Variants in ASCC1 observed in about 807,000 individuals in gnomAD.
ASCC1 encodes activating signal cointegrator 1 complex subunit 1.
A neutral mutation model predicts 46.6 loss-of-function variants in ASCC1; 35 were observed. The observed-to-expected ratio is 0.75, with a 90% confidence interval of 0.57 to 0.99. ASCC1 has a LOEUF of 0.99. ASCC1 is among the 50% of genes least tolerant of loss of function. The pLI is 0.00. For missense variants in ASCC1, 376 were observed against 428.7 expected, an observed-to-expected ratio of 0.88 and a Z score of 1.09; for synonymous variants, 143 against 146.6, an observed-to-expected ratio of 0.98 and a Z score of 0.18.
At chr10:72,197,549 A>C (rs1410100796) in intron 4 of ASCC1, among the ~76,000 whole-genome samples, 3 of 152,134 alleles carry the variant, frequency 2.0e-5, no homozygotes, top group African/African-American at 7.2e-5. Context: ...CTACAAAGCA[A>C]ACCCTTGCTA....
intron 5 of ASCC1, among the ~76,000 whole-genome samples, chr10:72,174,155 G>C (rs1388558681): frequency 6.6e-6 from 1 of 152,142 alleles, no homozygotes; most frequent in African/African-American, 2.4e-5. Context: ...CCGAGTTCAA[G>C]GTCATGTCCT....
At chr10:72,109,835 C>G (rs77353918) in intron 9 of ASCC1, among the ~76,000 whole-genome samples, 1 of 152,202 alleles carries the variant, frequency 6.6e-6, no homozygotes, top group Non-Finnish European at 1.5e-5. Flanking sequence ...AAAGAGGCTA[C>G]GCTGACCCGG....
At chr10:72,098,544 CAT>C (rs1841361770) in intron 9 of ASCC1, among the ~76,000 whole-genome samples, 1 of 152,228 alleles carries the variant, frequency 6.6e-6, no homozygotes, top group South Asian at 2.1e-4. Flanking sequence ...GCTTGTGACA[CAT>C]GTCCCCAACG....
chr10:72,157,792 G>T (rs1385481785), intron 6 of ASCC1, among the ~76,000 whole-genome samples: 22 of 152,024 alleles, frequency 1.4e-4, no homozygotes, highest in Admixed American at 1.2e-3. Flanking sequence ...AAAAAAAATT[G>T]TCATACTGCT....
At chr10:72,210,495 G>T (rs888023169) in intron 3 of ASCC1, among the ~76,000 whole-genome samples, 4 of 152,076 alleles carry the variant, frequency 2.6e-5, no homozygotes, top group Non-Finnish European at 5.9e-5. Context: ...CCAGCCTCAG[G>T]TATTTCTTTA....
intron 5 of ASCC1, among the ~76,000 whole-genome samples, chr10:72,172,700 A>ATATATATATTATATATAATATTTTTATAT (rs1491405780): frequency 9.4e-5 from 11 of 116,546 alleles, no homozygotes; most frequent in Admixed American, 8.4e-4. Flanking sequence ...AAAATATATA[A>ATATATATATTATATATAATATTTTTATAT]TATATATATT....
intron 5 of ASCC1, among the ~76,000 whole-genome samples, chr10:72,185,846 CAG>C (rs1268345811): frequency 6.6e-6 from 1 of 152,076 alleles, no homozygotes; most frequent in Non-Finnish European, 1.5e-5. Context: ...ACTTTTAAAA[CAG>C]AATGGAAAAA....
At chr10:72,101,389 C>T (rs1841739495) in intron 9 of ASCC1, among the ~76,000 whole-genome samples, 1 of 152,096 alleles carries the variant, frequency 6.6e-6, no homozygotes, top group African/African-American at 2.4e-5. Context: ...GGTAAGGAAA[C>T]AAGGGATGCT....
chr10:72,163,732 C>G (rs1849995226), intron 5 of ASCC1, among the ~76,000 whole-genome samples: 1 of 151,426 alleles, frequency 6.6e-6, no homozygotes, highest in Non-Finnish European at 1.5e-5. Context: ...GAGACTCACT[C>G]TGTCTCCAAA....
intron 4 of ASCC1, among the ~76,000 whole-genome samples, chr10:72,199,594 C>A (rs189834077): frequency 7.6e-4 from 116 of 152,190 alleles, no homozygotes; most frequent in East Asian, 4.5e-3. Context: ...CTGGGCCTGG[C>A]CGGCTAATTT....
At chr10:72,191,118 C>T (rs1484239058) in intron 5 of ASCC1, among the ~76,000 whole-genome samples, 6 of 149,380 alleles carry the variant, frequency 4.0e-5, no homozygotes, top group Non-Finnish European at 7.4e-5. Context: ...AGTGCAGTGG[C>T]GCGATCTCGG....
rs551813243 is a variant in ASCC1, at chr10:72,160,140, G to A, written c.626+1398C>T. Among the ~76,000 whole-genome samples the A allele has an allele frequency of 1.9e-4, 29 of 152,176 alleles. 1 individual carries two copies. The East Asian group carries it at 4.8e-3, about 25-fold the overall frequency. On this transcript the variant is annotated intron_variant, in intron 6 of 9. Coordinates refer to ENST00000672957, the MANE Select transcript of ASCC1 (RefSeq NM_001198800.3). ...AGGATGATCTCGATCTCCTGACCTC[G>A]TCATCTGCCCGCCTCGGCCTCCCAA... is the stretch of plus-strand genomic sequence containing the variant.
chr10:72,153,551 G>A (rs931748153), intron 6 of ASCC1, among the ~76,000 whole-genome samples: 1 of 151,506 alleles, frequency 6.6e-6, no homozygotes, highest in Admixed American at 6.6e-5. Context: ...TCAGCCTACC[G>A]AGTAGCTGGG....
intron 5 of ASCC1, among the ~76,000 whole-genome samples, chr10:72,167,433 A>C (rs1324754847): frequency 2.0e-5 from 3 of 152,214 alleles, no homozygotes; most frequent in East Asian, 1.9e-4. Flanking sequence ...GCAGGTTAAC[A>C]GTTGCCTGTG....
chr10:72,149,248 C>A (rs553782406), intron 7 of ASCC1, among the ~76,000 whole-genome samples: 51 of 151,962 alleles, frequency 3.4e-4, no homozygotes, highest in Non-Finnish European at 1.3e-4. Context: ...ACCATCCTGG[C>A]TGACACGGTG....
intron 9 of ASCC1, among the ~76,000 whole-genome samples, chr10:72,124,276 C>G (rs906345258): frequency 1.3e-5 from 2 of 152,152 alleles, no homozygotes; most frequent in East Asian, 1.9e-4. Context: ...AAATTCATCT[C>G]CCTTTTACAT....
intron 9 of ASCC1, 145 bp downstream of exon 9, chr10:72,127,935 CCT>C (rs1845075627): frequency 1.4e-6 from 1 of 690,718 alleles, no homozygotes; most frequent in Non-Finnish European, 2.5e-6. Flanking sequence ...AGCTACTTTT[CCT>C]CTCTTTCCCT....
chr10:72,148,636 T>C (rs997207003), intron 7 of ASCC1, among the ~76,000 whole-genome samples: 29 of 152,204 alleles, frequency 1.9e-4, no homozygotes, highest in African/African-American at 7.0e-4. Flanking sequence ...ATGAAATTGG[T>C]AGTGATATTA....
intron 5 of ASCC1, among the ~76,000 whole-genome samples, chr10:72,184,281 A>T (rs1853118794): frequency 6.6e-6 from 1 of 152,098 alleles, no homozygotes; most frequent in Non-Finnish European, 1.5e-5. Flanking sequence ...AAAAAATAAG[A>T]TGGTAGATTT....
Sources: gnomAD v4.1 joint callset for allele counts (sites outside exome capture counted in the v4.1 genomes callset) on GRCh38, gnomAD v4.1.1 for gene constraint, MANE v1.5 for transcripts, NCBI Gene and HGNC (gene_info 2026-07-23, HGNC 2026-07-21) for gene names.